The following DPYD variants were observed in gnomAD, a reference collection of about 807,000 sequenced individuals.
DPYD encodes the protein dihydropyrimidine dehydrogenase, also known as dihydropyrimidine dehydrogenase [NADP(+)].
A neutral mutation model predicts 116.2 loss-of-function variants in DPYD; 109 were observed. That is an observed-to-expected ratio of 0.94 (90% CI 0.80 to 1.10). The LOEUF (loss-of-function observed/expected upper bound fraction) is 1.10, where lower values mean the gene tolerates loss of function less well. Among genes scored for constraint, DPYD ranks in the 50% least tolerant of loss-of-function variants. DPYD has a pLI of 0.00. For synonymous variants in DPYD, 440 were observed against 432.0 expected (o/e 1.02, Z -0.23); for missense variants, 1,302 against 1,254.5 (o/e 1.04, Z -0.57).
chr1:97,790,371 T>A (rs1418872650), intron 3 of DPYD, among the ~76,000 whole-genome samples: 2 of 152,188 alleles, frequency 1.3e-5, no homozygotes, highest in African/African-American at 4.8e-5. Flanking sequence ...CTAATAGTTA[T>A]TTCTTAAACA....
In DPYD at chr1:97,725,277, A is replaced by C. The variant is rs189659763; in HGVS notation, c.322-3606T>G. ...AAAAGTTCAAATTTATACTCTGAAA[A>C]CTATAGAAAACTGTTGAAAGGAACT... On this transcript the variant is annotated intron_variant, in intron 4 of 22. Transcript: ENST00000370192. Among the ~76,000 whole-genome samples, 810 of 151,790 alleles carry C rather than the reference A, an allele frequency of 5.3e-3. 6 individuals are homozygous for C. Among genetic ancestry groups the C allele is most frequent in the Non-Finnish European group, 9.1e-3 (613 of 67,686 alleles).
intron 16 of DPYD, among the ~76,000 whole-genome samples, chr1:97,323,441 C>A (rs1668473678): frequency 9.5e-6 from 1 of 104,854 alleles, no homozygotes; most frequent in Non-Finnish European, 2.2e-5. Flanking sequence ...TGTATATGTA[C>A]ACGTATATAC....
chr1:97,481,623 C>T (rs952856), intron 13 of DPYD, among the ~76,000 whole-genome samples: 6 of 152,160 alleles, frequency 3.9e-5, no homozygotes, highest in Admixed American at 1.3e-4. Context: ...AATACCAAAG[C>T]GTTTTCCTTT....
intron 20 of DPYD, among the ~76,000 whole-genome samples, chr1:97,178,359 T>G (rs981708402): frequency 6.6e-6 from 1 of 152,084 alleles, no homozygotes; most frequent in African/African-American, 2.4e-5. Context: ...CAAAAGAGGT[T>G]TAGTTGACTC....
chr1:97,714,175 C>T (rs1662461913), intron 5 of DPYD, among the ~76,000 whole-genome samples: 2 of 152,016 alleles, frequency 1.3e-5, no homozygotes, highest in Admixed American at 1.3e-4. Context: ...CAGATAAACA[C>T]TTAACGCTTC....
intron 3 of DPYD, among the ~76,000 whole-genome samples, chr1:97,778,719 A>G (rs1190159406): frequency 6.6e-6 from 1 of 152,186 alleles, no homozygotes; most frequent in Admixed American, 6.5e-5. Context: ...AGGCATAGCT[A>G]GGGTGAAGGA....
At chr1:97,238,999 G>A (rs993382368) in intron 18 of DPYD, among the ~76,000 whole-genome samples, 5 of 152,176 alleles carry the variant, frequency 3.3e-5, no homozygotes, top group Non-Finnish European at 7.4e-5. Flanking sequence ...ACAAACAAAC[G>A]AAAAATGAAC....
chr1:97,235,940 A>C (rs189130853), intron 18 of DPYD, among the ~76,000 whole-genome samples: 241 of 152,328 alleles, frequency 1.6e-3, no homozygotes, highest in African/African-American at 5.6e-3. Context: ...TAATTTTTTA[A>C]TATTTAATTA....
intron 8 of DPYD, among the ~76,000 whole-genome samples, chr1:97,675,501 G>T (rs1016964363): frequency 3.3e-5 from 5 of 152,150 alleles, no homozygotes; most frequent in Admixed American, 2.6e-4. Flanking sequence ...TCCTTGGACT[G>T]TGGTAGTATT....
chr1:97,209,825 T>G (rs999811422), intron 19 of DPYD, among the ~76,000 whole-genome samples: 1 of 152,184 alleles, frequency 6.6e-6, no homozygotes, highest in African/African-American at 2.4e-5. Context: ...AACAAAGGTT[T>G]GATATTTTGA....
intron 11 of DPYD, among the ~76,000 whole-genome samples, chr1:97,567,810 A>T (rs964752656): frequency 6.6e-6 from 1 of 152,196 alleles, no homozygotes; most frequent in Non-Finnish European, 1.5e-5. Context: ...GAGGAAGAAC[A>T]AAAGTCATTT....
At chr1:97,220,978 A>G (rs1051941226) in intron 19 of DPYD, among the ~76,000 whole-genome samples, 2 of 152,292 alleles carry the variant, frequency 1.3e-5, no homozygotes, top group African/African-American at 2.4e-5. Flanking sequence ...GCTTCCCCCA[A>G]GTAGAGCCCA....
chr1:97,768,505 G>T (rs923031188), intron 3 of DPYD, among the ~76,000 whole-genome samples: 3 of 152,114 alleles, frequency 2.0e-5, no homozygotes, highest in Non-Finnish European at 4.4e-5. Context: ...TGTCATTTTA[G>T]AAGATACATT....
intron 20 of DPYD, among the ~76,000 whole-genome samples, chr1:97,173,860 G>T (rs912392630): frequency 6.8e-6 from 1 of 147,436 alleles, no homozygotes; most frequent in African/African-American, 2.5e-5. Context: ...TACAAAGGCA[G>T]AAATCCTGAA....
chr1:97,396,825 T>C (rs1022775118), intron 14 of DPYD, among the ~76,000 whole-genome samples: 2 of 152,048 alleles, frequency 1.3e-5, no homozygotes, highest in Non-Finnish European at 2.9e-5. Context: ...TCCTACCTAC[T>C]TCTCAAGGTC....
At chr1:97,115,512 A>C (rs1651901625) in intron 20 of DPYD, among the ~76,000 whole-genome samples, 1 of 152,196 alleles carries the variant, frequency 6.6e-6, no homozygotes. Flanking sequence ...AGTGAAAGAG[A>C]AAGCAGGATT....
At chr1:97,690,686 A>T (rs1660967019) in intron 7 of DPYD, among the ~76,000 whole-genome samples, 2 of 152,018 alleles carry the variant, frequency 1.3e-5, no homozygotes, top group Non-Finnish European at 2.9e-5. Context: ...ACTTTTCAGA[A>T]TGTACTTCTG....
At position 97,740,465 on chromosome 1, in the gene DPYD, G is replaced by T; in HGVS notation, c.248C>A (p.Ala83Glu). The change falls in exon 4 of 23, where the codon GCA becomes GAA. Residue 83 changes from alanine to glutamate, a missense_variant. Physicochemically the swap from Ala to Glu is moderately radical, Grantham distance 107 (BLOSUM62 -1). Transcript: ENST00000370192. ...LREAMRCLKC[A>E]DAPCQKSCPT... ...ACAGCTCTTCTGACACGGGGCATCTGCACATTTCAGGCATCTAGGAAATAA... is the reference window on the plus strand; with the variant it reads ...ACAGCTCTTCTGACACGGGGCATCTTCACATTTCAGGCATCTAGGAAATAA... The T allele has an allele frequency of 6.2e-7, 1 of 1,612,502 alleles. No individual in the cohort carries two copies. The highest frequency in any genetic ancestry group is 8.5e-7 in the Non-Finnish European group (1 of 1,179,066).
chr1:97,720,731 A>G, intron 5 of DPYD: 1 of 1,430,414 alleles, frequency 7.0e-7, no homozygotes, highest in Non-Finnish European at 9.1e-7. Context: ...CGGGCACTTA[A>G]TTTGACCTTC....
Sources: gnomAD v4.1 joint callset for allele counts (sites outside exome capture counted in the v4.1 genomes callset) on GRCh38, gnomAD v4.1.1 for gene constraint, MANE v1.5 for transcripts, NCBI Gene and HGNC (gene_info 2026-07-23, HGNC 2026-07-21) for gene names.